Variants in CHLSN observed in about 807,000 individuals in gnomAD.
CHLSN encodes protein cholesin.
chr7:1,109,721 C>T, the CHLSN span, among the ~76,000 whole-genome samples: 25 of 152,024 alleles, frequency 1.6e-4, no homozygotes, highest in African/African-American at 5.8e-4. Flanking sequence ...CCGCCGGGCC[C>T]TCCCCACTCA....
At chr7:1,095,215 C>T in the CHLSN span, among the ~76,000 whole-genome samples, 1 of 152,134 alleles carries the variant, frequency 6.6e-6, no homozygotes, top group African/African-American at 2.4e-5. Context: ...ACGAGACTTG[C>T]CCTCCTCCCC....
At chr7:1,125,671 G>C in the CHLSN span, among the ~76,000 whole-genome samples, 1 of 152,222 alleles carries the variant, frequency 6.6e-6, no homozygotes, top group African/African-American at 2.4e-5. Flanking sequence ...GCTCAGCACT[G>C]AAATCTGACA....
chr7:1,084,021 A>T, the CHLSN span, among the ~76,000 whole-genome samples: 3 of 152,358 alleles, frequency 2.0e-5, no homozygotes, highest in East Asian at 5.8e-4. Context: ...GGAATGGAAC[A>T]GATGGAAGAC....
At chr7:1,103,007 C>T in the CHLSN span, among the ~76,000 whole-genome samples, 13 of 152,322 alleles carry the variant, frequency 8.5e-5, no homozygotes, top group East Asian at 1.4e-3. Flanking sequence ...GTCTAGACCC[C>T]GACCCCTTAC....
At chr7:1,010,367 G>A in the CHLSN span, among the ~76,000 whole-genome samples, 2 of 152,218 alleles carry the variant, frequency 1.3e-5, no homozygotes, top group African/African-American at 2.4e-5. Flanking sequence ...GGCGCCAGGT[G>A]CCAGGATTAA....
the CHLSN span, among the ~76,000 whole-genome samples, chr7:1,004,743 G>C: frequency 6.6e-6 from 1 of 152,248 alleles, no homozygotes; most frequent in Admixed American, 6.5e-5. Context: ...CGCAACTGCA[G>C]ACAGTTCACA....
the CHLSN span, among the ~76,000 whole-genome samples, chr7:1,091,034 T>C: frequency 1.8e-4 from 28 of 152,292 alleles, no homozygotes; most frequent in Admixed American, 4.6e-4. Flanking sequence ...GCTGCTGAAA[T>C]GCATTTTCCC....
chr7:988,389 A>G, the CHLSN span: 1 of 1,612,610 alleles, frequency 6.2e-7, no homozygotes, highest in Non-Finnish European at 8.5e-7. Context: ...CACTTTGTGA[A>G]GCGGGAGGCC....
At chr7:986,853 C>T in the CHLSN span, 2 of 1,445,300 alleles carry the variant, frequency 1.4e-6, no homozygotes, top group Non-Finnish European at 1.8e-6. Flanking sequence ...AGGGACACCC[C>T]AGGGGAGCAC....
the CHLSN span, among the ~76,000 whole-genome samples, chr7:994,095 G>A: frequency 7.9e-4 from 121 of 152,274 alleles, 3 homozygotes; most frequent in African/African-American, 2.8e-3. Flanking sequence ...CACCCCCACA[G>A]GCAATGTGAT....
At chr7:1,091,670 T>C in the CHLSN span, 1 of 1,233,436 alleles carries the variant, frequency 8.1e-7, no homozygotes, top group Non-Finnish European at 1.1e-6. Flanking sequence ...GGATTCACCA[T>C]TTAAAACAGA....
the CHLSN span, among the ~76,000 whole-genome samples, chr7:1,116,099 G>C: frequency 0.012 from 1,023 of 84,832 alleles, 74 homozygotes; most frequent in East Asian, 0.091. Flanking sequence ...TACAGCTCTA[G>C]GGACCGGCTT....
At chr7:992,752 G>T in the CHLSN span, among the ~76,000 whole-genome samples, 1 of 152,236 alleles carries the variant, frequency 6.6e-6, no homozygotes, top group Admixed American at 6.5e-5. Context: ...GATGCTGAGG[G>T]GGAAGGAGGT....
At chr7:984,847 C>G in the CHLSN span, 54 of 1,437,594 alleles carry the variant, frequency 3.8e-5, no homozygotes, top group Middle Eastern at 5.2e-4. Flanking sequence ...GAGGGCCCAG[C>G]CAGTCTCGCT....
the CHLSN span, chr7:1,058,036 G>A: frequency 3.0e-5 from 23 of 769,088 alleles, no homozygotes; most frequent in African/African-American, 1.3e-4. Context: ...GTGTCCACCC[G>A]CGCGCTAGAG....
At chr7:1,066,078 C>T in the CHLSN span, among the ~76,000 whole-genome samples, 1 of 152,216 alleles carries the variant, frequency 6.6e-6, no homozygotes. Flanking sequence ...GGGGCCGACA[C>T]GACTCGGTGA....
the CHLSN span, chr7:1,091,764 G>A: frequency 6.4e-6 from 10 of 1,556,852 alleles, no homozygotes; most frequent in African/African-American, 6.8e-5. Context: ...GCGTGGGCCT[G>A]GAGATGTACC....
At chr7:1,135,930 A>AATATATAAGTATATATAAAT in the CHLSN span, among the ~76,000 whole-genome samples, 202 of 121,928 alleles carry the variant, frequency 1.7e-3, 1 homozygote, top group African/African-American at 6.5e-3. Context: ...AGTATATATA[A>AATATATAAGTATATATAAAT]ATATATAAGT....
chr7:1,063,404 C>T, the CHLSN span, among the ~76,000 whole-genome samples: 1 of 152,334 alleles, frequency 6.6e-6, no homozygotes, highest in South Asian at 2.1e-4. Flanking sequence ...GAAACGGGCT[C>T]CCTGTGCTGC....
Sources: gnomAD v4.1 joint callset for allele counts (sites outside exome capture counted in the v4.1 genomes callset) on GRCh38, gnomAD v4.1.1 for gene constraint, MANE v1.5 for transcripts, NCBI Gene and HGNC (gene_info 2026-07-23, HGNC 2026-07-21) for gene names.